ACTR3C: variants seen among roughly 807,000 people sequenced by gnomAD.
ACTR3C encodes the protein actin-related protein 3C.
In ACTR3C, 18 loss-of-function variants were observed where a neutral mutation model predicts 26.3. That is an observed-to-expected ratio of 0.68 (90% CI 0.47 to 1.01). The LOEUF (loss-of-function observed/expected upper bound fraction) is 1.01. Among genes scored for constraint, ACTR3C ranks in the 50% least tolerant of loss-of-function variants. The probability of loss-of-function intolerance (pLI) is 0.00; values close to 1 mark genes in which losing one functional copy is unlikely to be tolerated. For synonymous variants in ACTR3C, 55 were observed against 94.5 expected, an observed-to-expected ratio of 0.58 and a Z score of 2.42; for missense variants, 184 against 250.7, an observed-to-expected ratio of 0.73 and a Z score of 1.80.
At chr7:150,310,501 T>C (rs1451256345) in intron 1 of ACTR3C, among the ~76,000 whole-genome samples, 1 of 152,056 alleles carries the variant, frequency 6.6e-6, no homozygotes, top group Non-Finnish European at 1.5e-5. Context: ...GCCTCATAAA[T>C]CAAATTGTCC....
the ACTR3C span, chr7:150,000,726 CG>C: frequency 7.5e-6 from 1 of 133,898 alleles, no homozygotes; most frequent in South Asian, 2.5e-4. Context: ...CAGGGGAAAC[CG>C]GGGGCGATGT....
chr7:150,262,380 A>G (rs865857659), intron 6 of ACTR3C, among the ~76,000 whole-genome samples: 3 of 152,408 alleles, frequency 2.0e-5, no homozygotes, highest in African/African-American at 7.2e-5. Flanking sequence ...AATGGATGTT[A>G]GGGAAAATGT....
At chr7:150,041,280 C>G in the ACTR3C span, 3 of 151,048 alleles carry the variant, frequency 2.0e-5, no homozygotes. Flanking sequence ...CAAAACCCCA[C>G]AGCTCCTAAG....
At chr7:150,276,237 C>T (rs956384990) in intron 6 of ACTR3C, among the ~76,000 whole-genome samples, 1 of 151,976 alleles carries the variant, frequency 6.6e-6, no homozygotes, top group African/African-American at 2.4e-5. Context: ...ATTTTCATTC[C>T]TGTAATACTA....
chr7:150,149,459 A>AG, the ACTR3C span, among the ~76,000 whole-genome samples: 2 of 150,284 alleles, frequency 1.3e-5, no homozygotes. Flanking sequence ...CTCGTCGTTT[A>AG]CATTAGGTAT....
the ACTR3C span, among the ~76,000 whole-genome samples, chr7:150,079,928 G>A: frequency 1.3e-5 from 2 of 152,128 alleles, no homozygotes; most frequent in Non-Finnish European, 2.9e-5. Context: ...CTGTTTTGGG[G>A]CTGGAGGTCA....
At chr7:150,132,777 C>T in the ACTR3C span, among the ~76,000 whole-genome samples, 1 of 152,144 alleles carries the variant, frequency 6.6e-6, no homozygotes, top group East Asian at 1.9e-4. Flanking sequence ...ATAAATAATT[C>T]TACCAAAAGA....
chr7:150,171,388 C>CA, the ACTR3C span, among the ~76,000 whole-genome samples: 2 of 138,990 alleles, frequency 1.4e-5, no homozygotes, highest in Admixed American at 7.1e-5. Context: ...AAAGAAGAAA[C>CA]AAAAAATGCA....
At chr7:150,252,582 A>G (rs1358826595) in intron 6 of ACTR3C, among the ~76,000 whole-genome samples, 1 of 152,224 alleles carries the variant, frequency 6.6e-6, no homozygotes, top group African/African-American at 2.4e-5. Context: ...GATTTATACT[A>G]TATGAAACAT....
At chr7:150,014,097 G>A in the ACTR3C span, among the ~76,000 whole-genome samples, 2 of 152,172 alleles carry the variant, frequency 1.3e-5, no homozygotes, top group Non-Finnish European at 2.9e-5. Context: ...CCATGTAGCA[G>A]CCCAGTGCAC....
chr7:149,910,955 C>T, the ACTR3C span, among the ~76,000 whole-genome samples: 79 of 151,976 alleles, frequency 5.2e-4, no homozygotes, highest in South Asian at 3.1e-3. Context: ...CCTGAGACTC[C>T]TCAGGCCTAC....
chr7:150,110,059 C>G, the ACTR3C span, among the ~76,000 whole-genome samples: 1 of 129,456 alleles, frequency 7.7e-6, no homozygotes, highest in Admixed American at 7.5e-5. Flanking sequence ...CACGGCGGCC[C>G]TTGGACAGGG....
At chr7:150,119,198 G>A in the ACTR3C span, among the ~76,000 whole-genome samples, 2 of 152,150 alleles carry the variant, frequency 1.3e-5, no homozygotes, top group Non-Finnish European at 2.9e-5. Context: ...AAAATAACCA[G>A]CTACCATCAT....
the ACTR3C span, among the ~76,000 whole-genome samples, chr7:150,190,340 C>T: frequency 2.0e-5 from 3 of 152,116 alleles, no homozygotes. Context: ...TACTCTTTAC[C>T]AGCCTGTGGC....
the ACTR3C span, among the ~76,000 whole-genome samples, chr7:149,885,208 A>G: frequency 0.029 from 4,474 of 152,234 alleles, 207 homozygotes; most frequent in African/African-American, 0.093. Flanking sequence ...ACTGCCCTAG[A>G]ACCTCAACCC....
At chr7:150,250,202 C>CTTTTTTTTTTTTT (rs1192764981) in intron 6 of ACTR3C, among the ~76,000 whole-genome samples, 3 of 125,514 alleles carry the variant, frequency 2.4e-5, no homozygotes, top group Admixed American at 7.7e-5. Context: ...CAGAATCTGA[C>CTTTTTTTTTTTTT]TTTTTTTTTT....
intron 1 of ACTR3C, among the ~76,000 whole-genome samples, chr7:150,301,770 A>G (rs1164509862): frequency 6.6e-6 from 1 of 151,320 alleles, no homozygotes; most frequent in Non-Finnish European, 1.5e-5. Flanking sequence ...AGCTGGTCAC[A>G]AAAGGACAAA....
chr7:150,185,429 A>G, the ACTR3C span, among the ~76,000 whole-genome samples: 1 of 152,208 alleles, frequency 6.6e-6, no homozygotes, highest in Non-Finnish European at 1.5e-5. Context: ...AACAGTAACA[A>G]CATCTCATAA....
chr7:150,142,778 C>T, the ACTR3C span, among the ~76,000 whole-genome samples: 1 of 151,938 alleles, frequency 6.6e-6, no homozygotes, highest in African/African-American at 2.4e-5. Context: ...ATCCACCCAC[C>T]TCGGCCTCCC....
Sources: gnomAD v4.1 joint callset for allele counts (sites outside exome capture counted in the v4.1 genomes callset) on GRCh38, gnomAD v4.1.1 for gene constraint, MANE v1.5 for transcripts, NCBI Gene and HGNC (gene_info 2026-07-23, HGNC 2026-07-21) for gene names.